TSPAN16: variants seen among roughly 807,000 people sequenced by gnomAD.
The protein encoded by TSPAN16 is tetraspanin 16.
Under a neutral mutation model 25.2 loss-of-function variants are expected in TSPAN16, and 23 were observed. That is an observed-to-expected ratio of 0.91 (90% CI 0.66 to 1.29). The LOEUF (loss-of-function observed/expected upper bound fraction) is 1.29. TSPAN16 is among the 50% of genes most tolerant of loss of function. The pLI is 0.00. For synonymous variants in TSPAN16, 123 were observed against 124.4 expected (o/e 0.99, Z 0.08); for missense variants, 272 against 299.9 (o/e 0.91, Z 0.69).
chr19:11,321,627 A>T (rs1262533197), intron 6 of TSPAN16, among the ~76,000 whole-genome samples: 1 of 152,210 alleles, frequency 6.6e-6, no homozygotes, highest in Non-Finnish European at 1.5e-5. Flanking sequence ...CAAGTAGGCC[A>T]GAGTGGCCGG....
downstream of TSPAN16, among the ~76,000 whole-genome samples, chr19:11,318,945 C>A (rs1231527056): frequency 1.3e-5 from 2 of 152,194 alleles, no homozygotes; most frequent in East Asian, 3.9e-4. Context: ...CTGCCCCCAG[C>A]CAGAAATAAA....
downstream of TSPAN16, among the ~76,000 whole-genome samples, chr19:11,317,901 T>A (rs10409700): frequency 0.034 from 5,096 of 152,086 alleles, 293 homozygotes; most frequent in African/African-American, 0.12. Flanking sequence ...TTTTGGTTAT[T>A]TACCCTGTTC....
At position 11,322,518 on chromosome 19, in the gene TSPAN16, A is replaced by T. The variant is rs191458814; in HGVS notation, c.688-4276A>T. ...CCTGGAGCTGGAGAGGGGTTTTCCC[A>T]CGGCCTTTGGTTTAATGTGTCTGTA... On this transcript the variant is annotated intron_variant, in intron 6 of 6. Transcript: ENST00000316737. The T allele has an allele frequency of 3.9e-5, 6 of 152,264 alleles. No individual in the cohort carries two copies. The East Asian group carries it at 1.2e-3, about 29-fold the overall frequency. 9.4% of individuals were successfully genotyped at this position (152,264 alleles called of 1,614,324 possible). A position where few individuals can be genotyped will look rare whatever the true frequency, so the allele number is the denominator to read the frequency against.
chr19:11,303,939 G>A (rs2080598565), intron 4 of TSPAN16, among the ~76,000 whole-genome samples: 2 of 151,360 alleles, frequency 1.3e-5, no homozygotes, highest in African/African-American at 2.5e-5. Flanking sequence ...GTGCACTACC[G>A]TACCTGGCTA....
downstream of TSPAN16, chr19:11,316,118 G>GTT (rs1297073841): frequency 1.1e-3 from 116 of 105,856 alleles, no homozygotes; most frequent in Non-Finnish European, 1.5e-3. Context: ...TGTGTGTGTG[G>GTT]TTTTTTTTTT....
intron 6 of TSPAN16, 114 bp downstream of exon 6, chr19:11,312,336 A>G (rs1328491153): frequency 9.0e-6 from 5 of 555,922 alleles, no homozygotes; most frequent in Non-Finnish European, 1.2e-5. Context: ...AAAAAAAAAA[A>G]AAAGAAACTC....
At position 11,298,155 on chromosome 19, in the gene TSPAN16, T is replaced by C. The variant is rs2080499955; in HGVS notation, c.83T>C (p.Ile28Thr). The C allele has an allele frequency of 6.2e-7, 1 of 1,614,068 alleles. No individual in the cohort carries two copies. Among genetic ancestry groups the C allele is most frequent in the Non-Finnish European group, 8.5e-7 (1 of 1,180,036 alleles). ...LNGFVAVSGI[I>T]LVGLGIGGKC... is the part of the protein sequence containing the mutation. ...TCTGTTCTAAAGGTGTCTGGCATCA[T>C]CCTAGTTGGCCTGGGCATTGGTGGT... The change falls in exon 2 of 7, where the codon ATC becomes ACC. Residue 28 changes from isoleucine (I) to threonine (T), a missense_variant. Physicochemically the swap from Ile to Thr is moderately conservative, Grantham distance 89 (BLOSUM62 -1). Coordinates refer to ENST00000590327, the MANE Select transcript of TSPAN16 (RefSeq NM_001282509.2).
At chr19:11,298,046 T>TG in intron 1 of TSPAN16, 96 bp from the exon 2 acceptor site, 1 of 1,323,810 alleles carries the variant, frequency 7.6e-7, no homozygotes, top group Middle Eastern at 2.0e-4. Context: ...CCTCCCAAAG[T>TG]GCTGGGATTA....
chr19:11,318,549 G>A (rs1391541243), downstream of TSPAN16, among the ~76,000 whole-genome samples: 1 of 152,172 alleles, frequency 6.6e-6, no homozygotes. Context: ...CATGGTCACA[G>A]CTGAGCATCA....
intron 6 of TSPAN16, chr19:11,325,241 G>T: frequency 1.7e-6 from 1 of 588,054 alleles, no homozygotes; most frequent in South Asian, 2.1e-5. Flanking sequence ...TGGCAGCCAC[G>T]GCGACATTGT....
intron 6 of TSPAN16, chr19:11,325,257 A>G (rs1012585221): frequency 1.3e-5 from 8 of 617,930 alleles, no homozygotes; most frequent in Admixed American, 8.9e-5. Context: ...ATTGTGAAGG[A>G]ATGAGCCATG....
intron 6 of TSPAN16, among the ~76,000 whole-genome samples, chr19:11,315,271 T>G (rs2080735653): frequency 8.3e-6 from 1 of 120,858 alleles, no homozygotes. Context: ...ATAATAATAA[T>G]AATAGGCCAG....
chr19:11,308,674 C>G (rs544561363), intron 5 of TSPAN16, among the ~76,000 whole-genome samples: 1 of 151,990 alleles, frequency 6.6e-6, no homozygotes, highest in Non-Finnish European at 1.5e-5. Context: ...GGGGTTTCAC[C>G]GTGTTAGCCA....
At chr19:11,325,527 C>T (rs1190314031) in intron 6 of TSPAN16, 3 of 1,613,728 alleles carry the variant, frequency 1.9e-6, no homozygotes, top group Non-Finnish European at 2.5e-6. Context: ...CCACCAGGCG[C>T]TCGAAGACCT....
chr19:11,297,954 A>ATTT (rs34399771), intron 1 of TSPAN16, among the ~76,000 whole-genome samples, 188 bp from the exon 2 acceptor site: 40 of 149,122 alleles, frequency 2.7e-4, no homozygotes, highest in African/African-American at 9.6e-4. Flanking sequence ...ACTACTGGCT[A>ATTT]TTTTTTTTTT....
At chr19:11,304,911 A>G (rs565964576) in intron 4 of TSPAN16, among the ~76,000 whole-genome samples, 123 of 152,182 alleles carry the variant, frequency 8.1e-4, no homozygotes, top group Non-Finnish European at 1.4e-3. Context: ...TAGTCTTCCT[A>G]AAGTGCTAGG....
At chr19:11,325,674 A>G in intron 6 of TSPAN16, 1 of 1,273,286 alleles carries the variant, frequency 7.9e-7, no homozygotes, top group South Asian at 1.4e-5. Flanking sequence ...TTCTAAGCCT[A>G]GTTCTGCTCT....
intron 4 of TSPAN16, among the ~76,000 whole-genome samples, chr19:11,301,849 AG>A (rs1193922467): frequency 1.4e-5 from 2 of 144,472 alleles, no homozygotes; most frequent in Non-Finnish European, 3.0e-5. Flanking sequence ...TTTGAGTTGG[AG>A]TCTCATTCTG....
chr19:11,314,608 C>T (rs947133469), intron 6 of TSPAN16, among the ~76,000 whole-genome samples: 11 of 152,106 alleles, frequency 7.2e-5, no homozygotes, highest in Non-Finnish European at 1.5e-4. Context: ...CAGCAGGAAA[C>T]AGCATTCAGC....
Sources: gnomAD v4.1 joint callset for allele counts (sites outside exome capture counted in the v4.1 genomes callset) on GRCh38, gnomAD v4.1.1 for gene constraint, MANE v1.5 for transcripts, NCBI Gene and HGNC (gene_info 2026-07-23, HGNC 2026-07-21) for gene names.